The following MAP3K7 variants were observed in gnomAD, a reference collection of about 807,000 sequenced individuals.
The protein encoded by MAP3K7 is mitogen-activated protein kinase kinase kinase 7.
A neutral mutation model predicts 84.8 loss-of-function variants in MAP3K7; 21 were observed. The observed-to-expected ratio is 0.25, with a 90% CI of 0.18 to 0.36. MAP3K7 has a LOEUF of 0.36. Ranked by LOEUF, MAP3K7 falls within the 10% of genes least tolerant of loss-of-function variation. MAP3K7 has a pLI of 1.00. For synonymous variants in MAP3K7, 241 were observed against 247.7 expected, an observed-to-expected ratio of 0.97 and a Z score of 0.25; for missense variants, 503 against 747.7, an observed-to-expected ratio of 0.67 and a Z score of 3.82.
chr6:90,578,457 T>C (rs2127784127), intron 1 of MAP3K7, among the ~76,000 whole-genome samples: 1 of 152,224 alleles, frequency 6.6e-6, no homozygotes, highest in Admixed American at 6.5e-5. Context: ...GTATTTTTAG[T>C]AGAGTCGGGG....
chr6:90,536,438 T>C (rs1775681631), intron 12 of MAP3K7, 37 bp from the exon 13 acceptor site: 1 of 1,507,592 alleles, frequency 6.6e-7, no homozygotes, highest in Non-Finnish European at 9.2e-7. Flanking sequence ...TACTAAAATC[T>C]AGTCAAACAG....
chr6:90,560,026 T>C (rs1562099824), intron 5 of MAP3K7, 50 bp downstream of exon 5: 1 of 1,607,712 alleles, frequency 6.2e-7, no homozygotes, highest in African/African-American at 1.3e-5. Flanking sequence ...GTGGTGAGAG[T>C]GAGAGAGAAG....
intron 3 of MAP3K7, among the ~76,000 whole-genome samples, 154 bp from the exon 4 acceptor site, chr6:90,561,821 T>G (rs1171824145): frequency 6.6e-6 from 1 of 152,162 alleles, no homozygotes; most frequent in Non-Finnish European, 1.5e-5. Context: ...AAGGAAAAGG[T>G]ATCTATGACC....
intron 6 of MAP3K7, among the ~76,000 whole-genome samples, chr6:90,554,630 C>T (rs1776279484): frequency 6.6e-6 from 1 of 152,132 alleles, no homozygotes; most frequent in Non-Finnish European, 1.5e-5. Flanking sequence ...ACTTACACAG[C>T]CTAACAGTCT....
chr6:90,524,954 T>C (rs1389169522), intron 13 of MAP3K7, among the ~76,000 whole-genome samples: 2 of 152,124 alleles, frequency 1.3e-5, no homozygotes, highest in African/African-American at 4.8e-5. Flanking sequence ...TAGTAATTAA[T>C]ATATAACTCC....
chr6:90,522,182 A>G (rs1292731049), intron 14 of MAP3K7, among the ~76,000 whole-genome samples: 1 of 152,196 alleles, frequency 6.6e-6, no homozygotes, highest in Non-Finnish European at 1.5e-5. Flanking sequence ...ATTTCTAGCA[A>G]TTGGTATTTT....
rs950126900 is a variant in MAP3K7, at chr6:90,514,250, G to A, written c.*2251C>T. ...TTGCAGGATGGATGAGGAAACTGATGAAACTGGCTGTGGATTTTAATTATC... is the reference window on the plus strand; with the variant it reads ...TTGCAGGATGGATGAGGAAACTGATAAAACTGGCTGTGGATTTTAATTATC... On this transcript the variant is annotated 3_prime_UTR_variant, in exon 17 of 17. Transcript: ENST00000369329. 2 of 152,048 alleles carry A rather than the reference G, an allele frequency of 1.3e-5. No homozygotes were observed. The highest frequency in any genetic ancestry group is 6.6e-5 in the Admixed American group (1 of 15,224). 9.4% of individuals were successfully genotyped at this position (152,048 alleles called of 1,614,324 possible).
intron 2 of MAP3K7, 52 bp downstream of exon 2, chr6:90,571,643 TCA>T (rs1582233523): frequency 6.9e-6 from 7 of 1,019,712 alleles, no homozygotes; most frequent in Admixed American, 2.7e-5. Flanking sequence ...AATATTAAAT[TCA>T]CAGAGTATCT....
rs772291156 is a variant in MAP3K7 at position 90,516,693 on chromosome 6, T to C, written c.1641-12A>G. 16 of 1,584,104 alleles carry C rather than the reference T, an allele frequency of 1.0e-5. No homozygotes were observed. The South Asian group carries it at 1.7e-4, about 17-fold the overall frequency. On this transcript the variant is annotated splice_polypyrimidine_tract_variant and intron_variant, in intron 16 of 16. Transcript: ENST00000369329. ...CAACTAGTTCTTGCCTACAAACAAA[T>C]ACCACATAATATTACACATGATGGA...
chr6:90,542,280 T>A (rs1340535019), intron 12 of MAP3K7: 5 of 983,846 alleles, frequency 5.1e-6, no homozygotes, highest in Non-Finnish European at 6.0e-6. Context: ...GGCTTTTATG[T>A]CCACTAGTGT....
At chr6:90,531,848 C>T (rs1052595428) in intron 13 of MAP3K7, among the ~76,000 whole-genome samples, 5 of 151,266 alleles carry the variant, frequency 3.3e-5, no homozygotes, top group Admixed American at 2.0e-4. Flanking sequence ...CCCAGCTACT[C>T]GGGAGGCTGA....
chr6:90,575,767 G>A (rs916585825), intron 1 of MAP3K7, among the ~76,000 whole-genome samples: 2 of 152,216 alleles, frequency 1.3e-5, no homozygotes, highest in African/African-American at 4.8e-5. Flanking sequence ...GGGAGAACTG[G>A]GTTAGGTCTT....
chr6:90,536,519 T>G, intron 12 of MAP3K7, 118 bp from the exon 13 acceptor site: 10 of 657,658 alleles, frequency 1.5e-5, no homozygotes, highest in South Asian at 4.0e-5. Context: ...AAAATGTTTG[T>G]GGGGAAAAAA....
chr6:90,514,077 T>C lies in MAP3K7; in HGVS notation c.*2424A>G, dbSNP rs1210567928. On this transcript the variant is annotated 3_prime_UTR_variant, in exon 17 of 17. Coordinates refer to ENST00000369329, the MANE Select transcript of MAP3K7 (RefSeq NM_145331.3). ...AAGAGTAAAATGTAATTAATGTAAT[T>C]AGGGCTTACTCAGTGATTGTTTTTG... The C allele has an allele frequency of 6.9e-6, 1 of 145,882 alleles. No individual in the cohort carries two copies. The highest frequency in any genetic ancestry group is 1.5e-5 in the Non-Finnish European group (1 of 65,900). 9.0% of individuals were successfully genotyped at this position (145,882 alleles called of 1,614,324 possible). A position where few individuals can be genotyped will look rare whatever the true frequency, so the allele number is the denominator to read the frequency against.
intron 5 of MAP3K7, 33 bp downstream of exon 5, chr6:90,560,043 G>A: frequency 1.2e-6 from 2 of 1,613,776 alleles, no homozygotes; most frequent in South Asian, 1.1e-5. Flanking sequence ...GAAGGAGGAA[G>A]AGGCTGAGGG....
At chr6:90,560,486 C>T (rs939942339) in intron 4 of MAP3K7, among the ~76,000 whole-genome samples, 3 of 152,126 alleles carry the variant, frequency 2.0e-5, no homozygotes, top group South Asian at 2.1e-4. Context: ...CTCAGCCTCC[C>T]GAGTAGCTGG....
intron 1 of MAP3K7, among the ~76,000 whole-genome samples, chr6:90,583,598 G>C (rs1194260211): frequency 6.6e-6 from 1 of 152,238 alleles, no homozygotes; most frequent in South Asian, 2.1e-4. Context: ...TGGAAAACAT[G>C]AATGTGTTTT....
Position 90,519,736 on chromosome 6 carries a change from AAT to A in MAP3K7, c.1463-419_1463-418del, listed in dbSNP as rs199753203. ...AGGCTATATCAACTCCGCTAATATC[AAT>A]GTTCCTTAACAGGGAAAGGGAGAAA... On this transcript the variant is annotated intron_variant, in intron 14 of 16. Coordinates refer to ENST00000369329, the MANE Select transcript of MAP3K7 (RefSeq NM_145331.3). Among the ~76,000 whole-genome samples, 741 of 152,084 alleles carry A rather than the reference AAT, an allele frequency of 4.9e-3. 8 individuals carry two copies. The highest frequency in any genetic ancestry group is 0.017 in the African/African-American group (707 of 41,532).
chr6:90,576,418 G>GTCACAC (rs1562110822), intron 1 of MAP3K7, among the ~76,000 whole-genome samples: 1 of 58,300 alleles, frequency 1.7e-5, no homozygotes, highest in Admixed American at 1.9e-4. Context: ...GCTAGACTCT[G>GTCACAC]TCACACACAC....
Sources: allele counts gnomAD v4.1 joint callset (sites outside exome capture counted in the v4.1 genomes callset), GRCh38; gene constraint gnomAD v4.1.1; transcripts MANE v1.5; gene names NCBI Gene and HGNC (gene_info 2026-07-23, HGNC 2026-07-21).